Variants in SLC24A2 observed in about 807,000 individuals in gnomAD.
SLC24A2 encodes sodium/potassium/calcium exchanger 2.
In SLC24A2, 36 loss-of-function variants were observed where a neutral mutation model predicts 62.0. The ratio of observed to expected loss-of-function variants is 0.58; its 90% confidence interval spans 0.44 to 0.77. SLC24A2 has a LOEUF of 0.77. Ranked by LOEUF, SLC24A2 falls within the 30% of genes least tolerant of loss-of-function variation. The pLI is 0.00. For synonymous variants in SLC24A2, 358 were observed against 294.0 expected (o/e 1.22, Z -2.23); for missense variants, 846 against 817.9 (o/e 1.03, Z -0.42).
the SLC24A2 span, among the ~76,000 whole-genome samples, chr9:20,244,949 T>C: frequency 6.6e-6 from 1 of 152,234 alleles, no homozygotes; most frequent in African/African-American, 2.4e-5. Context: ...TCTGAAATAA[T>C]GTACATAAAC....
At chr9:19,974,390 T>C in the SLC24A2 span, among the ~76,000 whole-genome samples, 7 of 152,204 alleles carry the variant, frequency 4.6e-5, no homozygotes, top group African/African-American at 1.7e-4. Context: ...AAGCAGTTTC[T>C]AAAGTGGCAG....
chr9:19,850,503 TTAAAGTG>T, the SLC24A2 span, among the ~76,000 whole-genome samples: 1 of 152,138 alleles, frequency 6.6e-6, no homozygotes, highest in African/African-American at 2.4e-5. Context: ...ATTTACCCTT[TTAAAGTG>T]TACAATTCAA....
At chr9:19,698,217 C>A (rs903084524) in intron 2 of SLC24A2, among the ~76,000 whole-genome samples, 3 of 152,100 alleles carry the variant, frequency 2.0e-5, no homozygotes, top group Non-Finnish European at 4.4e-5. Context: ...AAATTCCACA[C>A]CTGACCTCAT....
At chr9:20,064,354 A>C in the SLC24A2 span, among the ~76,000 whole-genome samples, 3 of 152,184 alleles carry the variant, frequency 2.0e-5, no homozygotes, top group Non-Finnish European at 4.4e-5. Context: ...ATTTGTGAGG[A>C]ACTCAGGGAA....
chr9:19,550,349 G>A, intron 7 of SLC24A2, 81 bp from the exon 8 acceptor site: 5 of 1,429,888 alleles, frequency 3.5e-6, no homozygotes, highest in Non-Finnish European at 4.9e-6. Context: ...ACAGAACAAA[G>A]GGGAAGCTCC....
chr9:20,294,964 G>A, the SLC24A2 span, among the ~76,000 whole-genome samples: 4 of 151,240 alleles, frequency 2.6e-5, no homozygotes, highest in Non-Finnish European at 5.9e-5. Context: ...TTTTAGATCA[G>A]GTATAAATAA....
chr9:20,030,405 C>A, the SLC24A2 span, among the ~76,000 whole-genome samples: 1 of 152,126 alleles, frequency 6.6e-6, no homozygotes, highest in African/African-American at 2.4e-5. Context: ...TAACCGAGCT[C>A]CTCCTGTACA....
chr9:19,747,773 T>C (rs1230617766), intron 2 of SLC24A2, among the ~76,000 whole-genome samples: 1 of 152,176 alleles, frequency 6.6e-6, no homozygotes, highest in Non-Finnish European at 1.5e-5. Context: ...CACAGACATG[T>C]ACATACACAC....
At chr9:19,881,266 C>T in the SLC24A2 span, among the ~76,000 whole-genome samples, 15,605 of 152,030 alleles carry the variant, frequency 0.1, 1,360 homozygotes, top group African/African-American at 0.25. Context: ...AGAGACTAGA[C>T]GAGACTTAAG....
At chr9:19,541,387 G>T (rs968404841) in intron 8 of SLC24A2, among the ~76,000 whole-genome samples, 3 of 151,948 alleles carry the variant, frequency 2.0e-5, no homozygotes, top group Non-Finnish European at 4.4e-5. Context: ...GGTTTTCGGT[G>T]TAGATGTCCT....
At chr9:19,897,916 G>A in the SLC24A2 span, among the ~76,000 whole-genome samples, 8 of 152,114 alleles carry the variant, frequency 5.3e-5, no homozygotes, top group African/African-American at 1.2e-4. Flanking sequence ...TTTACCACGC[G>A]TGTTATTCCC....
the SLC24A2 span, among the ~76,000 whole-genome samples, chr9:20,243,750 G>T: frequency 2.0e-5 from 3 of 152,100 alleles, no homozygotes; most frequent in South Asian, 4.1e-4. Context: ...GTCAATGGGG[G>T]TGATGCCATA....
At chr9:19,688,499 T>C (rs1022556184) in intron 2 of SLC24A2, among the ~76,000 whole-genome samples, 8 of 152,062 alleles carry the variant, frequency 5.3e-5, no homozygotes, top group African/African-American at 1.9e-4. Context: ...GGAAAAGCTG[T>C]AGGAAAGTTT....
At chr9:19,832,180 C>A in the SLC24A2 span, among the ~76,000 whole-genome samples, 1 of 152,178 alleles carries the variant, frequency 6.6e-6, no homozygotes, top group Non-Finnish European at 1.5e-5. Flanking sequence ...GAAGAAATCC[C>A]AGATTTTGGT....
chr9:20,056,021 A>T, the SLC24A2 span, among the ~76,000 whole-genome samples: 1 of 152,262 alleles, frequency 6.6e-6, no homozygotes, highest in African/African-American at 2.4e-5. Flanking sequence ...TTAGAAATTG[A>T]AGTTTACCAT....
At chr9:20,088,752 C>T in the SLC24A2 span, among the ~76,000 whole-genome samples, 1 of 151,714 alleles carries the variant, frequency 6.6e-6, no homozygotes, top group Non-Finnish European at 1.5e-5. Context: ...CATTCCTCCT[C>T]GTTGGGCAGG....
At chr9:20,148,974 T>C in the SLC24A2 span, among the ~76,000 whole-genome samples, 294 of 152,218 alleles carry the variant, frequency 1.9e-3, 2 homozygotes, top group African/African-American at 6.9e-3. Flanking sequence ...GGAAAGTAGA[T>C]GGCAAAACTC....
At chr9:19,722,018 C>A (rs1821040922) in intron 2 of SLC24A2, among the ~76,000 whole-genome samples, 1 of 152,132 alleles carries the variant, frequency 6.6e-6, no homozygotes, top group Non-Finnish European at 1.5e-5. Flanking sequence ...ATTCCTCATA[C>A]CCCATTGGTT....
chr9:20,020,717 T>C, the SLC24A2 span, among the ~76,000 whole-genome samples: 5 of 152,312 alleles, frequency 3.3e-5, no homozygotes, highest in East Asian at 7.7e-4. Context: ...ACTTAAAATA[T>C]AATAAATAAA....
Sources: allele counts gnomAD v4.1 joint callset (sites outside exome capture counted in the v4.1 genomes callset), GRCh38; gene constraint gnomAD v4.1.1; transcripts MANE v1.5; gene names NCBI Gene and HGNC (gene_info 2026-07-23, HGNC 2026-07-21).